The following TBC1D4 variants were observed in gnomAD, a reference collection of about 807,000 sequenced individuals.
The protein encoded by TBC1D4 is TBC (Tre-2, BUB2, CDC16) domain-containing protein.
In TBC1D4, 121 loss-of-function variants were observed where a neutral mutation model predicts 142.5. The observed-to-expected ratio is 0.85, with a 90% CI of 0.73 to 0.99. The LOEUF is 0.99. TBC1D4 is among the 50% of genes least tolerant of loss of function. TBC1D4 has a pLI of 0.00. For synonymous variants in TBC1D4, 630 were observed against 628.2 expected (o/e 1.00, Z -0.04); for missense variants, 1,475 against 1,606.6 (o/e 0.92, Z 1.40).
intron 1 of TBC1D4, among the ~76,000 whole-genome samples, chr13:75,404,682 A>G (rs1174304681): frequency 6.6e-6 from 1 of 152,228 alleles, no homozygotes; most frequent in Non-Finnish European, 1.5e-5. Flanking sequence ...AACAATAATT[A>G]TATTTGGGTA....
chr13:75,420,166 T>C (rs1378187920), intron 1 of TBC1D4, among the ~76,000 whole-genome samples: 1 of 152,158 alleles, frequency 6.6e-6, no homozygotes, highest in Non-Finnish European at 1.5e-5. Flanking sequence ...AGTAAGAAGT[T>C]AGATGCTGCC....
At chr13:75,324,806 T>G (rs377441566) in intron 10 of TBC1D4, among the ~76,000 whole-genome samples, 17 of 152,242 alleles carry the variant, frequency 1.1e-4, no homozygotes, top group African/African-American at 4.1e-4. Context: ...TTGACTATTT[T>G]AAAGATATAA....
chr13:75,312,984 C>A, intron 12 of TBC1D4, 86 bp from the exon 13 acceptor site: 1 of 1,490,766 alleles, frequency 6.7e-7, no homozygotes, highest in Non-Finnish European at 9.2e-7. Flanking sequence ...AAGCCATTCA[C>A]AAGTTCTGTC....
chr13:75,474,638 A>C (rs1888559102), intron 1 of TBC1D4, among the ~76,000 whole-genome samples: 1 of 124,110 alleles, frequency 8.1e-6, no homozygotes, highest in South Asian at 3.1e-4. Flanking sequence ...TTGGAGAAAT[A>C]ATTTAACCTT....
At chr13:75,410,106 T>C (rs1885562832) in intron 1 of TBC1D4, among the ~76,000 whole-genome samples, 1 of 152,232 alleles carries the variant, frequency 6.6e-6, no homozygotes, top group East Asian at 1.9e-4. Flanking sequence ...GAGGTTTAAA[T>C]AAGCTAATGT....
chr13:75,293,577 A>T (rs1365219806), intron 18 of TBC1D4, among the ~76,000 whole-genome samples: 1 of 152,238 alleles, frequency 6.6e-6, no homozygotes, highest in East Asian at 1.9e-4. Flanking sequence ...AATACCCATT[A>T]ATAGGAACCC....
At chr13:75,364,413 C>A (rs918700983) in intron 1 of TBC1D4, among the ~76,000 whole-genome samples, 1 of 152,232 alleles carries the variant, frequency 6.6e-6, no homozygotes, top group Non-Finnish European at 1.5e-5. Flanking sequence ...TTACAAATAA[C>A]AAGAATTTCC....
intron 1 of TBC1D4, among the ~76,000 whole-genome samples, chr13:75,373,265 A>T (rs1406886372): frequency 6.6e-6 from 1 of 152,212 alleles, no homozygotes; most frequent in African/African-American, 2.4e-5. Context: ...TTATACCATC[A>T]TAACAGATTA....
At chr13:75,372,877 G>A (rs1286105082) in intron 1 of TBC1D4, among the ~76,000 whole-genome samples, 2 of 152,184 alleles carry the variant, frequency 1.3e-5, no homozygotes, top group Non-Finnish European at 2.9e-5. Flanking sequence ...AGGACTTGAT[G>A]ACATTTAATT....
chr13:75,286,672 C>T lies in TBC1D4; in HGVS notation c.*120G>A. 1.0e-6 allele frequency: 1 copy of T among 996,872 alleles called. No homozygotes were observed. The highest frequency in any genetic ancestry group is 1.4e-5 in the South Asian group (1 of 71,398). 61.8% of individuals were successfully genotyped at this position (996,872 alleles called of 1,614,324 possible). A position where few individuals can be genotyped will look rare whatever the true frequency, so the allele number is the denominator to read the frequency against. ...GGTCCACCTGCTGTGACTAGGCGCTCAGCACCAGTATTAGGTGGTTCCATC... is the reference window on the plus strand; with the variant it reads ...GGTCCACCTGCTGTGACTAGGCGCTTAGCACCAGTATTAGGTGGTTCCATC... On this transcript the variant is annotated 3_prime_UTR_variant, in exon 21 of 21. Transcript: ENST00000377636.
chr13:75,434,510 A>T (rs111806039), intron 1 of TBC1D4, among the ~76,000 whole-genome samples: 9 of 152,056 alleles, frequency 5.9e-5, no homozygotes, highest in Non-Finnish European at 1.3e-4. Context: ...GGGCGGGAGG[A>T]GGGAGAGGGG....
intron 18 of TBC1D4, 59 bp downstream of exon 18, chr13:75,294,795 T>C (rs2137851028): frequency 2.5e-6 from 4 of 1,574,112 alleles, no homozygotes; most frequent in South Asian, 1.1e-5. Context: ...TGGCTAGAAG[T>C]AGAAGTATAG....
intron 1 of TBC1D4, among the ~76,000 whole-genome samples, chr13:75,391,171 T>A (rs1283184152): frequency 7.2e-6 from 1 of 138,060 alleles, no homozygotes; most frequent in Non-Finnish European, 1.5e-5. Context: ...TTTTTCCTTC[T>A]CTACTCTATC....
intron 1 of TBC1D4, among the ~76,000 whole-genome samples, chr13:75,371,156 A>G (rs1883201405): frequency 6.6e-6 from 1 of 152,226 alleles, no homozygotes; most frequent in Admixed American, 6.5e-5. Flanking sequence ...GCCTTAATGG[A>G]GTAGGTTCAA....
chr13:75,475,692 T>C (rs1405785695), intron 1 of TBC1D4, among the ~76,000 whole-genome samples: 12 of 152,246 alleles, frequency 7.9e-5, no homozygotes, highest in Non-Finnish European at 1.5e-5. Flanking sequence ...CAATTACTCA[T>C]TCCAAAATGA....
intron 1 of TBC1D4, among the ~76,000 whole-genome samples, chr13:75,456,770 A>C (rs1329493705): frequency 1.3e-5 from 2 of 150,100 alleles, no homozygotes; most frequent in Admixed American, 6.8e-5. Flanking sequence ...CTATCCAAAG[A>C]CCTAGCAATT....
intron 1 of TBC1D4, among the ~76,000 whole-genome samples, chr13:75,393,034 C>T (rs1884573416): frequency 6.6e-6 from 1 of 151,722 alleles, no homozygotes; most frequent in South Asian, 2.1e-4. Flanking sequence ...TATACCCTTC[C>T]TTATGTAGAC....
intron 1 of TBC1D4, among the ~76,000 whole-genome samples, chr13:75,449,394 A>ATG (rs1297170905): frequency 6.6e-6 from 1 of 152,034 alleles, no homozygotes; most frequent in Admixed American, 6.6e-5. Context: ...ATAACAACTA[A>ATG]TGATAACATT....
In TBC1D4 at chr13:75,442,117, C is replaced by CTATGTATGTA. The variant is rs1887066870; in HGVS notation, c.498+39152_498+39153insTACATACATA. Among the ~76,000 whole-genome samples the CTATGTATGTA allele has an allele frequency of 2.0e-5, 3 of 152,270 alleles. No homozygotes were observed. In the East Asian group the frequency reaches 5.8e-4, roughly 29 times the overall value. On this transcript the variant is annotated intron_variant, in intron 1 of 20. Coordinates refer to ENST00000377636, the MANE Select transcript of TBC1D4 (RefSeq NM_014832.5). ...TATACTATGTATGTACTCTTTTTAA[C>CTATGTATGTA]CTCCTCAATAATATAGGGTAACCTC...
Sources: gnomAD v4.1 joint callset for allele counts (sites outside exome capture counted in the v4.1 genomes callset) on GRCh38, gnomAD v4.1.1 for gene constraint, MANE v1.5 for transcripts, NCBI Gene and HGNC (gene_info 2026-07-23, HGNC 2026-07-21) for gene names.